ZNFX1: variants seen among roughly 807,000 people sequenced by gnomAD.
The protein encoded by ZNFX1 is zinc finger NFX1-type containing 1.
In ZNFX1, 78 loss-of-function variants were observed where a neutral mutation model predicts 179.8. That is an observed-to-expected ratio of 0.43 (90% confidence interval 0.36 to 0.52). The LOEUF (loss-of-function observed/expected upper bound fraction) is 0.52, where lower values mean the gene tolerates loss of function less well. Among genes scored for constraint, ZNFX1 ranks in the 20% least tolerant of loss-of-function variants. The probability of loss-of-function intolerance (pLI) is 0.00; values close to 1 mark genes in which losing one functional copy is unlikely to be tolerated. For missense variants in ZNFX1, 1,927 were observed against 2,386.6 expected, an observed-to-expected ratio of 0.81 and a Z score of 4.01; for synonymous variants, 848 against 868.5, an observed-to-expected ratio of 0.98 and a Z score of 0.42.
Position 49,249,277 on chromosome 20 carries a change from T to A in ZNFX1, c.3747A>T (p.Thr1249=), listed in dbSNP as rs756506219. Residue 1249 remains threonine (T), a synonymous_variant, in exon 14 of 14, where the codon ACA becomes ACT. Coordinates refer to ENST00000396105, the MANE Select transcript of ZNFX1 (RefSeq NM_021035.3). ...GGCCTATTTGATTGTTCTCTCGAAG[T>A]GTATGAATGATCTTGCTCCACAGGG... The part of the protein sequence containing the change: ...KVPLWSKIIH[T]LRENNQIGPM... 9.3e-6 allele frequency: 15 copies of A among 1,614,082 alleles called. No homozygotes were observed.
At chr20:49,266,058 A>C in intron 4 of ZNFX1, 77 bp downstream of exon 4, 1 of 1,521,342 alleles carries the variant, frequency 6.6e-7, no homozygotes, top group South Asian at 1.2e-5. Context: ...TTTGAAGAGC[A>C]ATAGAAAGCT....
chr20:49,248,647 T>C lies in ZNFX1; in HGVS notation c.4377A>G (p.Glu1459=), dbSNP rs373458730. ...CHSCFEGRFH[E]RCQQPCKRLL... is the part of the protein sequence containing the mutation. ...GGCGCTTGCAGGGCTGCTGACAGCG[T>C]TCATGGAAACGCCCTTCGAAGCAGC... Residue 1459 remains glutamate, a synonymous_variant, in exon 14 of 14, where the codon GAA becomes GAG. Coordinates refer to ENST00000396105, the MANE Select transcript of ZNFX1 (RefSeq NM_021035.3). The surrounding 1 kb of genome is among the most constrained non-coding windows in gnomAD (Gnocchi z 4.6). 3.7e-6 allele frequency: 6 copies of C among 1,613,696 alleles called. No individual in the cohort carries two copies. The highest frequency in any genetic ancestry group is 5.1e-6 in the Non-Finnish European group (6 of 1,180,044).
intron 9 of ZNFX1, among the ~76,000 whole-genome samples, chr20:49,254,902 A>T (rs238217): frequency 0.22 from 33,918 of 151,922 alleles, 4,034 homozygotes; most frequent in African/African-American, 0.3. Context: ...GACTTTAAAA[A>T]CTTTGGGAAG....
Position 49,257,511 on chromosome 20 carries a change from TC to T in ZNFX1, c.2569del (p.Asp857ThrfsTer11). 6.2e-7 allele frequency: 1 copy of T among 1,613,928 alleles called. No individual in the cohort carries two copies. The highest frequency in any genetic ancestry group is 1.1e-5 in the South Asian group (1 of 91,066). On this transcript the variant is annotated frameshift_variant, in exon 8 of 14. Transcript: ENST00000396105. LOFTEE classifies it high-confidence loss of function. ...QRRKKEESGA[D>X]QELAKMLLAM... ...CAGAAGCATTTTAGCCAACTCCTGGTCTGCTCCACTCTCTTCCTTCTTCCGC... is the reference window on the plus strand; with the variant it reads ...CAGAAGCATTTTAGCCAACTCCTGGTTGCTCCACTCTCTTCCTTCTTCCGC...
chr20:49,250,708 T>C (rs1020789779), intron 13 of ZNFX1, among the ~76,000 whole-genome samples: 1 of 151,934 alleles, frequency 6.6e-6, no homozygotes, highest in Non-Finnish European at 1.5e-5. Flanking sequence ...CCCACCACCA[T>C]GCCCAGTTAA....
Position 49,249,065 on chromosome 20 carries a change from T to A in ZNFX1, c.3959A>T (p.Lys1320Met). 1.2e-6 allele frequency: 2 copies of A among 1,614,234 alleles called. No individual in the cohort carries two copies. The highest frequency in any genetic ancestry group is 1.7e-6 in the Non-Finnish European group (2 of 1,180,042). ...CTGACAGATGACCTTCTGGCATGGC[T>A]TCATGCATTGGAACTCCTTGTGTGA... Reference protein sequence around the residue: ...DSSHKEFQCMKPCQKVICQEG... With the variant: ...DSSHKEFQCMMPCQKVICQEG... Residue 1320 changes from lysine (K) to methionine (M), a missense_variant, in exon 14 of 14, where the codon AAG (lysine) becomes ATG (methionine). Lys to Met is a moderately conservative substitution (Grantham distance 95). Coordinates refer to ENST00000396105, the MANE Select transcript of ZNFX1 (RefSeq NM_021035.3).
chr20:49,273,710 G>A (rs555958585), intron 2 of ZNFX1, among the ~76,000 whole-genome samples: 13 of 152,084 alleles, frequency 8.5e-5, no homozygotes, highest in African/African-American at 3.1e-4. Context: ...CAGGCAGATC[G>A]CTTGAGCTCA....
intron 13 of ZNFX1, among the ~76,000 whole-genome samples, chr20:49,251,144 CT>C (rs549657651): frequency 4.7e-4 from 70 of 147,418 alleles, no homozygotes; most frequent in African/African-American, 6.9e-4. Context: ...TGAAGGCTTT[CT>C]TTTTTTTTTT....
Position 49,251,592 on chromosome 20 carries a change from A to G in ZNFX1, c.3247T>C (p.Leu1083=), listed in dbSNP as rs184248951. The part of the protein sequence containing the change: ...HRMCPEIARL[L]TPHIYQDLEN... ...AGATCCTGGTAAATGTGGGGGGTCA[A>G]AAGGCGGGCAATTTCAGGGCACATA... The change falls in exon 13 of 14, where the codon TTG becomes CTG. Residue 1083 remains leucine (L), a synonymous_variant. Coordinates refer to ENST00000396105, the MANE Select transcript of ZNFX1 (RefSeq NM_021035.3). The G allele has an allele frequency of 6.8e-6, 11 of 1,612,628 alleles. No individual in the cohort carries two copies. The highest frequency in any genetic ancestry group is 1.3e-5 in the African/African-American group (1 of 74,884).
At chr20:49,274,284 A>G (rs1045377481) in intron 2 of ZNFX1, among the ~76,000 whole-genome samples, 4 of 152,238 alleles carry the variant, frequency 2.6e-5, no homozygotes, top group Non-Finnish European at 5.9e-5. Flanking sequence ...TTACATTAAA[A>G]ATTTTTATGT....
At position 49,275,803 on chromosome 20, in the gene ZNFX1, TG is replaced by T; in HGVS notation, c.36del (p.Arg13GlyfsTer137). On this transcript the variant is annotated frameshift_variant, in exon 2 of 14. Coordinates refer to ENST00000396105, the MANE Select transcript of ZNFX1 (RefSeq NM_021035.3). LOFTEE classifies it high-confidence loss of function. ...CCTCTGTGGTTGGTATGGGAATTCC[TG>T]GGCCTGGCATCCAGATGAGGTCTTC... ...EERRPHLDAR[P>X]RNSHTNHRGP... The T allele has an allele frequency of 6.2e-7, 1 of 1,614,208 alleles. No individual in the cohort carries two copies. Among genetic ancestry groups the T allele is most frequent in the Non-Finnish European group, 8.5e-7 (1 of 1,180,022 alleles).
chr20:49,269,886 G>A (rs1424215008), intron 3 of ZNFX1, 56 bp downstream of exon 3: 19 of 1,516,422 alleles, frequency 1.3e-5, no homozygotes, highest in Admixed American at 1.1e-4. Flanking sequence ...TGAAGGCTCC[G>A]TCCCTTGCTT....
At chr20:49,253,134 T>C (rs534433643) in intron 11 of ZNFX1, among the ~76,000 whole-genome samples, 2 of 152,112 alleles carry the variant, frequency 1.3e-5, no homozygotes, top group South Asian at 4.2e-4. Context: ...GCAAGATCCA[T>C]AATGGGGAGC....
chr20:49,258,220 C>T (rs976934218), intron 7 of ZNFX1, among the ~76,000 whole-genome samples: 10 of 150,670 alleles, frequency 6.6e-5, no homozygotes, highest in Admixed American at 6.0e-4. Context: ...CTCAGCCTCC[C>T]GAGTAGTTGG....
rs896520677 is a variant in ZNFX1 at position 49,253,690 on chromosome 20, G to A, written c.3081C>T (p.Leu1027=). 3 of 1,614,034 alleles carry A rather than the reference G, an allele frequency of 1.9e-6. No individual in the cohort carries two copies. The highest frequency in any genetic ancestry group is 2.5e-6 in the Non-Finnish European group (3 of 1,180,038). Reference sequence around the variant, plus strand: ...CCTGCTGGTGGTCCCCAATCAAAATGAGGTGCTGGCAAGCTTTGCTCAATG... The same window carrying A: ...CCTGCTGGTGGTCCCCAATCAAAATAAGGTGCTGGCAAGCTTTGCTCAATG... ...IATLSKACQH[L]ILIGDHQQLR... is the part of the protein sequence containing the mutation. The change falls in exon 11 of 14, where the codon CTC becomes CTT. Residue 1027 remains leucine, a synonymous_variant. Coordinates refer to ENST00000396105, the MANE Select transcript of ZNFX1 (RefSeq NM_021035.3).
chr20:49,270,717 A>G lies in ZNFX1; in HGVS notation c.1095T>C (p.Thr365=), dbSNP rs1333104137. The G allele has an allele frequency of 6.2e-7, 1 of 1,614,084 alleles. No homozygotes were observed. Among genetic ancestry groups the G allele is most frequent in the East Asian group, 2.2e-5 (1 of 44,892 alleles). Residue 365 remains threonine (T), a synonymous_variant, in exon 3 of 14, where the codon ACT becomes ACC. Transcript: ENST00000396105. The surrounding 1 kb of genome is among the most constrained non-coding windows in gnomAD (Gnocchi z 4.6). The stretch of plus-strand genomic sequence containing the variant: ...GGAAGTGGGTATCCAGATAGATAGC[A>G]GTGCTGTCGTATTTTCCAGAAATGA... ...PNIISGKYDS[T]AIYLDTHFRL...
rs140795927 is a variant in ZNFX1 at position 49,257,645 on chromosome 20, C to T, written c.2436G>A (p.Glu812=). 6.4e-5 allele frequency: 103 copies of T among 1,613,808 alleles called. No homozygotes were observed. Among genetic ancestry groups the T allele is most frequent in the African/African-American group, 6.7e-5 (5 of 74,842 alleles). The change falls in exon 8 of 14, where the codon GAG becomes GAA. Residue 812 remains glutamate (E), a synonymous_variant. Transcript: ENST00000396105. ...PENTAQAEGD[E]EEEGEEESSL... is the part of the protein sequence containing the mutation. Reference sequence around the variant, plus strand: ...AACTCTCCTCCTCCCCTTCTTCCTCCTCATCCCCTTCTGCCTGGGCTAAGA... The same window carrying T: ...AACTCTCCTCCTCCCCTTCTTCCTCTTCATCCCCTTCTGCCTGGGCTAAGA...
chr20:49,273,509 T>C (rs1981477216), intron 2 of ZNFX1, among the ~76,000 whole-genome samples: 1 of 152,218 alleles, frequency 6.6e-6, no homozygotes, highest in South Asian at 2.1e-4. Context: ...ATTTTTATAA[T>C]TGTTACTTAC....
chr20:49,263,218 A>G, intron 6 of ZNFX1, 116 bp downstream of exon 6: 1 of 1,309,568 alleles, frequency 7.6e-7, no homozygotes, highest in Non-Finnish European at 1.1e-6. Context: ...AACTTTACAC[A>G]TTGTGGCAGC....
Sources: allele counts gnomAD v4.1 joint callset (sites outside exome capture counted in the v4.1 genomes callset), GRCh38; gene constraint gnomAD v4.1.1; non-coding constraint Gnocchi (gnomAD v3.1); transcripts MANE v1.5; gene names NCBI Gene and HGNC (gene_info 2026-07-23, HGNC 2026-07-21).